Variants in NUP62CL observed in about 807,000 individuals in gnomAD.
The protein encoded by NUP62CL is nucleoporin-62 C-terminal-like protein.
A neutral mutation model predicts 15.3 loss-of-function variants in NUP62CL; 13 were observed. The observed-to-expected ratio is 0.85, with a 90% CI of 0.55 to 1.35. The LOEUF (loss-of-function observed/expected upper bound fraction) is 1.35, where lower values mean the gene tolerates loss of function less well. NUP62CL is among the 40% of genes most tolerant of loss of function. The pLI is 0.00. For synonymous variants in NUP62CL, 54 were observed against 49.2 expected, an observed-to-expected ratio of 1.10 and a Z score of -0.41; for missense variants, 123 against 130.6, an observed-to-expected ratio of 0.94 and a Z score of 0.28.
intron 1 of NUP62CL, among the ~76,000 whole-genome samples, chrX:107,202,985 A>G (rs1927523322): frequency 9.3e-6 from 1 of 107,314 alleles, no homozygotes; most frequent in Admixed American, 1.0e-4. Context: ...AAAAAAAAAA[A>G]AAAAAAAAGT....
At chrX:107,133,395 C>T (rs1925566202) in intron 8 of NUP62CL, among the ~76,000 whole-genome samples, 1 of 111,030 alleles carries the variant, frequency 9.0e-6, no homozygotes, top group Non-Finnish European at 1.9e-5. Context: ...AGTGCAGTAG[C>T]ATGACCGCGG....
At chrX:107,139,896 T>C (rs749561702) in intron 8 of NUP62CL, among the ~76,000 whole-genome samples, 1 of 111,799 alleles carries the variant, frequency 8.9e-6, no homozygotes, top group East Asian at 2.8e-4. Flanking sequence ...TCACTACTCA[T>C]AGATTCTTTT....
intron 1 of NUP62CL, among the ~76,000 whole-genome samples, chrX:107,205,793 T>TG (rs1287513318): frequency 5.4e-5 from 6 of 110,631 alleles, no homozygotes; most frequent in African/African-American, 2.0e-4. Context: ...TCCCTAGCAG[T>TG]GGCAAGCGAG....
At chrX:107,163,135 A>C (rs1465348956) in intron 4 of NUP62CL, among the ~76,000 whole-genome samples, 1 of 111,770 alleles carries the variant, frequency 8.9e-6, no homozygotes, top group Non-Finnish European at 1.9e-5. Flanking sequence ...TTCTCAGATC[A>C]TTTGATGGCT....
rs1251351730 is a variant in NUP62CL at position 107,123,726 on chromosome X, A to G, written c.*649T>C. On this transcript the variant is annotated 3_prime_UTR_variant, in exon 9 of 9. Coordinates refer to ENST00000372466, the MANE Select transcript of NUP62CL (RefSeq NM_017681.3). ...CTTACCTTTCCTTAACCCTTTAATA[A>G]TAATCTACCCTAACTTTTCCTCCCT... The G allele has an allele frequency of 8.9e-6, 1 of 112,037 alleles. No homozygotes were observed. The highest frequency in any genetic ancestry group is 2.8e-4 in the East Asian group (1 of 3,611). The allele number at this position is 112,037 out of a possible 1,213,427, so 9.2% of individuals were successfully genotyped here. A position where few individuals can be genotyped will look rare whatever the true frequency, so the allele number is the denominator to read the frequency against.
chrX:107,154,525 C>T (rs185714362), intron 4 of NUP62CL, among the ~76,000 whole-genome samples: 26 of 112,022 alleles, frequency 2.3e-4, no homozygotes, highest in African/African-American at 8.1e-4. Flanking sequence ...CCATAATCTG[C>T]TCCTTCTCTT....
intron 8 of NUP62CL, among the ~76,000 whole-genome samples, chrX:107,127,754 C>T (rs903718726): frequency 3.6e-5 from 4 of 109,879 alleles, no homozygotes; most frequent in Non-Finnish European, 7.6e-5. Context: ...TCTCTCATTT[C>T]TCCCAGAAAA....
intron 2 of NUP62CL, among the ~76,000 whole-genome samples, chrX:107,182,156 G>C (rs1926934485): frequency 8.9e-6 from 1 of 112,125 alleles, no homozygotes; most frequent in Non-Finnish European, 1.9e-5. Flanking sequence ...TCTTAGAAAA[G>C]GATTTAAGAG....
Position 107,152,053 on chromosome X carries a change from T to TATATATATATATATATATATATATTCAG in NUP62CL, c.530+1118_530+1119insCTGAATATATATATATATATATATATAT, listed in dbSNP as rs1926029500. On this transcript the variant is annotated intron_variant, in intron 7 of 8. Transcript: ENST00000372466. ...TTGAATATATATATATATTCAGATA[T>TATATATATATATATATATATATATTCAG]ATATATATATATATATATATATTCA... 1.1e-4 allele frequency among the ~76,000 whole-genome samples: 7 copies of TATATATATATATATATATATATATTCAG among 66,479 alleles called. 1 individual carries two copies. The highest frequency in any genetic ancestry group is 5.9e-4 in the African/African-American group (7 of 11,765). The allele number at this position is 66,479 out of a possible 115,157, so 57.7% of individuals were successfully genotyped here.
chrX:107,203,767 C>T (rs1927543404), intron 1 of NUP62CL, among the ~76,000 whole-genome samples: 1 of 111,246 alleles, frequency 9.0e-6, no homozygotes, highest in Non-Finnish European at 1.9e-5. Flanking sequence ...AACATGGGTA[C>T]ATGTGGATAA....
intron 4 of NUP62CL, among the ~76,000 whole-genome samples, chrX:107,154,555 A>G (rs1245075917): frequency 8.9e-6 from 1 of 112,078 alleles, no homozygotes; most frequent in Non-Finnish European, 1.9e-5. Flanking sequence ...CCAGCTCAGC[A>G]TGAGAGAAGC....
intron 1 of NUP62CL, among the ~76,000 whole-genome samples, chrX:107,201,490 A>T (rs1338170353): frequency 9.0e-6 from 1 of 111,495 alleles, no homozygotes; most frequent in Non-Finnish European, 1.9e-5. Context: ...CTCTATATTT[A>T]CAACAACCTA....
At chrX:107,147,446 C>T (rs1731677194) in intron 8 of NUP62CL, among the ~76,000 whole-genome samples, 1 of 110,662 alleles carries the variant, frequency 9.0e-6, no homozygotes, top group Non-Finnish European at 1.9e-5. Flanking sequence ...TTTATATGGC[C>T]CCCAAGTCAA....
intron 2 of NUP62CL, among the ~76,000 whole-genome samples, chrX:107,184,099 G>C (rs758501000): frequency 9.2e-6 from 1 of 109,020 alleles, no homozygotes; most frequent in Non-Finnish European, 1.9e-5. Context: ...CCCTCCACCA[G>C]AACAATGTCA....
intron 2 of NUP62CL, among the ~76,000 whole-genome samples, chrX:107,181,553 T>TAAAAAAA (rs1341611248): frequency 9.5e-6 from 1 of 105,227 alleles, no homozygotes. Context: ...ATTACTTTCC[T>TAAAAAAA]AAAAAAAAAA....
intron 8 of NUP62CL, among the ~76,000 whole-genome samples, chrX:107,132,965 A>C (rs1431131110): frequency 2.7e-5 from 3 of 111,923 alleles, no homozygotes; most frequent in Non-Finnish European, 5.6e-5. Flanking sequence ...CCTAAATTCA[A>C]AGTGCTGGCA....
chrX:107,180,696 C>T (rs5962794), intron 2 of NUP62CL, among the ~76,000 whole-genome samples: 40,589 of 109,699 alleles, frequency 0.37, 8,185 homozygotes, highest in African/African-American at 0.77. Context: ...GAAAGACATA[C>T]GCAATTACAG....
chrX:107,136,324 G>C (rs1925639418), intron 8 of NUP62CL, among the ~76,000 whole-genome samples: 1 of 111,651 alleles, frequency 9.0e-6, no homozygotes, highest in Non-Finnish European at 1.9e-5. Flanking sequence ...CACTTAGCAG[G>C]AATGCACCAA....
intron 4 of NUP62CL, among the ~76,000 whole-genome samples, chrX:107,157,122 A>T (rs191682226): frequency 1.2e-3 from 129 of 110,518 alleles, no homozygotes; most frequent in Non-Finnish European, 1.8e-3. Context: ...GAAATGTGGG[A>T]CGATGTGAAA....
Sources: gnomAD v4.1 joint callset for allele counts (sites outside exome capture counted in the v4.1 genomes callset) on GRCh38, gnomAD v4.1.1 for gene constraint, MANE v1.5 for transcripts, NCBI Gene and HGNC (gene_info 2026-07-23, HGNC 2026-07-21) for gene names.